CNTN3: variants seen among roughly 807,000 people sequenced by gnomAD.
The protein encoded by CNTN3 is contactin 3.
In CNTN3, 60 loss-of-function variants were observed where a neutral mutation model predicts 119.1. The observed-to-expected ratio is 0.50, with a 90% CI of 0.41 to 0.62. CNTN3 has a LOEUF of 0.62. Ranked by LOEUF, CNTN3 falls within the 20% of genes least tolerant of loss-of-function variation. The probability of loss-of-function intolerance (pLI) is 0.00; values close to 1 mark genes in which losing one functional copy is unlikely to be tolerated. For synonymous variants in CNTN3, 450 were observed against 438.7 expected (o/e 1.03, Z -0.32); for missense variants, 1,101 against 1,242.4 (o/e 0.89, Z 1.71).
intron 4 of CNTN3, among the ~76,000 whole-genome samples, chr3:74,480,533 T>A (rs1382892966): frequency 6.6e-6 from 1 of 151,942 alleles, no homozygotes; most frequent in African/African-American, 2.4e-5. Context: ...TATAGGCAAG[T>A]TATTCACACA....
intron 1 of CNTN3, among the ~76,000 whole-genome samples, chr3:74,609,211 C>A (rs958060283): frequency 6.6e-6 from 1 of 152,166 alleles, no homozygotes; most frequent in Non-Finnish European, 1.5e-5. Context: ...AAGTCACATA[C>A]AGACAGGCTG....
At chr3:74,418,277 C>T (rs1011576230) in intron 5 of CNTN3, among the ~76,000 whole-genome samples, 1 of 151,334 alleles carries the variant, frequency 6.6e-6, no homozygotes, top group Non-Finnish European at 1.5e-5. Flanking sequence ...ATCCTCCCAT[C>T]TTGGCTTCCC....
intron 4 of CNTN3, among the ~76,000 whole-genome samples, chr3:74,469,508 A>C (rs1001216151): frequency 6.6e-6 from 1 of 152,222 alleles, no homozygotes; most frequent in African/African-American, 2.4e-5. Flanking sequence ...AATAATAAAA[A>C]GACAAATAAC....
intron 11 of CNTN3, among the ~76,000 whole-genome samples, chr3:74,344,987 T>A (rs1030494500): frequency 1.3e-5 from 2 of 152,126 alleles, no homozygotes; most frequent in African/African-American, 2.4e-5. Flanking sequence ...ATTCCATTCA[T>A]CCAATGACGC....
chr3:74,464,466 G>T (rs931539196), intron 4 of CNTN3, among the ~76,000 whole-genome samples: 2 of 152,038 alleles, frequency 1.3e-5, no homozygotes, highest in Non-Finnish European at 2.9e-5. Context: ...GGCATGAGAT[G>T]GGCAGAAGGA....
At chr3:74,579,232 C>T (rs1422100111) in intron 1 of CNTN3, among the ~76,000 whole-genome samples, 1 of 151,846 alleles carries the variant, frequency 6.6e-6, no homozygotes, top group African/African-American at 2.4e-5. Flanking sequence ...AGGCACCTAA[C>T]AACAATGCTT....
intron 2 of CNTN3, among the ~76,000 whole-genome samples, chr3:74,514,500 T>C (rs1452028169): frequency 2.6e-5 from 4 of 152,084 alleles, no homozygotes; most frequent in African/African-American, 9.7e-5. Flanking sequence ...TACTTTTCCC[T>C]ACCACAGTTG....
At chr3:74,486,735 G>C (rs1462032980) in intron 3 of CNTN3, 104 bp from the exon 4 acceptor site, 6 of 912,532 alleles carry the variant, frequency 6.6e-6, no homozygotes, top group Non-Finnish European at 9.5e-6. Flanking sequence ...AAAGTAAAAA[G>C]TGATACATAT....
intron 1 of CNTN3, among the ~76,000 whole-genome samples, chr3:74,555,232 T>C (rs1704051616): frequency 1.3e-5 from 2 of 152,262 alleles, no homozygotes; most frequent in Admixed American, 6.5e-5. Context: ...TTTGTGTATG[T>C]TGAACCAGTC....
At chr3:74,431,077 C>T (rs942698653) in intron 4 of CNTN3, among the ~76,000 whole-genome samples, 2 of 152,122 alleles carry the variant, frequency 1.3e-5, no homozygotes, top group African/African-American at 4.8e-5. Context: ...TAAAAATTCA[C>T]ATGGACCATT....
intron 13 of CNTN3, among the ~76,000 whole-genome samples, chr3:74,303,955 T>C (rs1172976592): frequency 1.3e-5 from 2 of 152,168 alleles, no homozygotes; most frequent in African/African-American, 2.4e-5. Flanking sequence ...ATGTCAGAAC[T>C]GGTAAAGAGA....
chr3:74,583,550 C>T (rs7429609), intron 1 of CNTN3, among the ~76,000 whole-genome samples: 129,318 of 152,042 alleles, frequency 0.85, 57,071 homozygotes, highest in Non-Finnish European at 0.98. Flanking sequence ...GTGGCTGACT[C>T]GGAGGACGTG....
chr3:74,335,411 C>T (rs1703367487), intron 12 of CNTN3, among the ~76,000 whole-genome samples: 1 of 152,080 alleles, frequency 6.6e-6, no homozygotes, highest in Non-Finnish European at 1.5e-5. Context: ...TAATTAATGT[C>T]TGTTTTTCCC....
chr3:74,286,188 G>T (rs939727756), intron 19 of CNTN3, among the ~76,000 whole-genome samples: 1 of 152,078 alleles, frequency 6.6e-6, no homozygotes, highest in Non-Finnish European at 1.5e-5. Context: ...AAGGTTGACA[G>T]AACATGAAGG....
chr3:74,285,194 T>A (rs1415406637), intron 20 of CNTN3, 111 bp downstream of exon 20: 5 of 1,184,460 alleles, frequency 4.2e-6, no homozygotes, highest in Non-Finnish European at 5.9e-6. Flanking sequence ...TAGGTTTATA[T>A]AATCTAGTGA....
At chr3:74,452,712 GT>G (rs1369459572) in intron 4 of CNTN3, among the ~76,000 whole-genome samples, 29 of 139,346 alleles carry the variant, frequency 2.1e-4, no homozygotes, top group African/African-American at 7.3e-4. Flanking sequence ...TTTATTGAGA[GT>G]TTTTAGCATG....
At chr3:74,496,678 A>G (rs1703070232) in intron 3 of CNTN3, among the ~76,000 whole-genome samples, 1 of 152,112 alleles carries the variant, frequency 6.6e-6, no homozygotes, top group Non-Finnish European at 1.5e-5. Context: ...TTTCCCATTT[A>G]GAAAAAGTAT....
At chr3:74,459,185 T>G (rs1414879063) in intron 4 of CNTN3, among the ~76,000 whole-genome samples, 1 of 151,934 alleles carries the variant, frequency 6.6e-6, no homozygotes, top group Non-Finnish European at 1.5e-5. Context: ...TATGGAGCTT[T>G]CTCTCTTTTC....
rs146670017 is a variant in CNTN3 at position 74,496,710 on chromosome 3, T to G, written c.182+2949A>C. 4.5e-3 allele frequency among the ~76,000 whole-genome samples: 686 copies of G among 152,204 alleles called. 9 individuals are homozygous for G. The highest frequency in any genetic ancestry group is 0.016 in the African/African-American group (658 of 41,560). On this transcript the variant is annotated intron_variant, in intron 3 of 22. Transcript: ENST00000263665. ...GTATTAATACTTCCTCAGGGTAACC[T>G]CCTTCAGCACTATCAGCAGTTACAA...
Sources: allele counts gnomAD v4.1 joint callset (sites outside exome capture counted in the v4.1 genomes callset), GRCh38; gene constraint gnomAD v4.1.1; transcripts MANE v1.5; gene names NCBI Gene and HGNC (gene_info 2026-07-23, HGNC 2026-07-21).